Variants in PTCH1 observed in about 807,000 individuals in gnomAD.
The protein encoded by PTCH1 is protein patched homolog 1.
PTCH1 carries 14 observed loss-of-function variants against 144.6 expected under a neutral mutation model. The observed-to-expected ratio is 0.10, with a 90% CI of 0.06 to 0.15. The LOEUF (loss-of-function observed/expected upper bound fraction) is 0.15, where lower values mean the gene tolerates loss of function less well. Ranked by LOEUF, PTCH1 falls within the 10% of genes least tolerant of loss-of-function variation. The probability of loss-of-function intolerance (pLI) is 1.00; values close to 1 mark genes in which losing one functional copy is unlikely to be tolerated. For missense variants in PTCH1, 1,623 were observed against 1,948.3 expected, an observed-to-expected ratio of 0.83 and a Z score of 3.14; for synonymous variants, 833 against 793.6, an observed-to-expected ratio of 1.05 and a Z score of -0.83.
At chr9:95,497,220 C>A (rs1842855612) in intron 2 of PTCH1, among the ~76,000 whole-genome samples, 5 of 152,240 alleles carry the variant, frequency 3.3e-5, no homozygotes, top group Admixed American at 3.3e-4. Context: ...ACTCTCAGGG[C>A]TGCTTCATGT....
At chr9:95,477,811 C>T (rs1841185142) in intron 9 of PTCH1, 109 bp from the exon 10 acceptor site, 1 of 1,504,434 alleles carries the variant, frequency 6.6e-7, no homozygotes, top group Admixed American at 2.0e-5. Flanking sequence ...AGAACTTATC[C>T]AACAACAACA....
intron 22 of PTCH1, among the ~76,000 whole-genome samples, chr9:95,448,214 G>A (rs1007244993): frequency 9.9e-5 from 15 of 152,226 alleles, no homozygotes; most frequent in African/African-American, 3.6e-4. Context: ...GATTCACACT[G>A]CAGCTCAGCG....
intron 20 of PTCH1, chr9:95,450,425 C>A: frequency 4.5e-6 from 1 of 222,074 alleles, no homozygotes; most frequent in Non-Finnish European, 9.0e-6. Flanking sequence ...GGCTGCTAAT[C>A]CACTGTGAAA....
At chr9:95,503,308 ACGGACGT>A (rs1267418443) in intron 2 of PTCH1, 5 of 152,198 alleles carry the variant, frequency 3.3e-5, no homozygotes, top group African/African-American at 9.7e-5. Context: ...ACTTCAATTC[ACGGACGT>A]CCACTGAGGT....
intron 15 of PTCH1, among the ~76,000 whole-genome samples, chr9:95,464,580 T>C (rs1012046990): frequency 6.6e-6 from 1 of 152,182 alleles, no homozygotes; most frequent in East Asian, 1.9e-4. Flanking sequence ...AATGAACACA[T>C]TTGTACATGA....
chr9:95,476,896 A>C lies in PTCH1; in HGVS notation c.1504-39T>G, dbSNP rs1263887394. 6.3e-7 allele frequency: 1 copy of C among 1,579,614 alleles called. No individual in the cohort carries two copies. Among genetic ancestry groups the C allele is most frequent in the South Asian group, 1.1e-5 (1 of 89,168 alleles). ...AGAGGATGGTGGCATTAGACATGCG[A>C]GATGCAATTCAGATGATTCTAAAGC... On this transcript the variant is annotated intron_variant, in intron 10 of 23. Coordinates refer to ENST00000331920, the MANE Select transcript of PTCH1 (RefSeq NM_000264.5). This position sits in a 1 kb window ranked among gnomAD's most constrained non-coding sequence, Gnocchi z 4.6.
chr9:95,468,277 G>A (rs1043700926), intron 14 of PTCH1, among the ~76,000 whole-genome samples: 45 of 152,028 alleles, frequency 3.0e-4, no homozygotes, highest in African/African-American at 1.0e-3. Flanking sequence ...GGCTGTTCTC[G>A]AACTCCTGGG....
Position 95,446,885 on chromosome 9 carries a change from T to C in PTCH1, c.*1+26A>G, listed in dbSNP as rs751910065. On this transcript the variant is annotated intron_variant, in intron 23 of 23. Transcript: ENST00000331920. ...CCTCTTTGCCTGGCTCTAGGTCCCT[T>C]GGCTGCCCTTGTCAGTGGCACTCAC... is the stretch of plus-strand genomic sequence containing the variant. 3 of 1,613,204 alleles carry C rather than the reference T, an allele frequency of 1.9e-6. No homozygotes were observed. In the East Asian group the frequency reaches 6.7e-5, roughly 36 times the overall value.
intron 20 of PTCH1, 90 bp from the exon 21 acceptor site, chr9:95,450,030 CA>C (rs1490727014): frequency 8.7e-7 from 1 of 1,152,312 alleles, no homozygotes; most frequent in Non-Finnish European, 1.3e-6. Flanking sequence ...ATGGCAACGC[CA>C]GAAATGAACA....
upstream of PTCH1, among the ~76,000 whole-genome samples, chr9:95,511,547 G>C (rs1844161750): frequency 2.0e-5 from 3 of 152,196 alleles, no homozygotes; most frequent in African/African-American, 7.2e-5. Flanking sequence ...TCAAAACTCA[G>C]ACCGCTTAAG....
upstream of PTCH1, among the ~76,000 whole-genome samples, chr9:95,513,408 G>T (rs1405956820): frequency 6.6e-6 from 1 of 152,196 alleles, no homozygotes; most frequent in Non-Finnish European, 1.5e-5. Flanking sequence ...TTGCAAACAT[G>T]ATTTTAAGTC....
chr9:95,499,397 A>G (rs1842994863), intron 2 of PTCH1, among the ~76,000 whole-genome samples: 1 of 150,932 alleles, frequency 6.6e-6, no homozygotes. Flanking sequence ...GTGATTAGCC[A>G]GACTTACTAC....
chr9:95,483,238 GC>G (rs1487019777), intron 3 of PTCH1: 3 of 151,568 alleles, frequency 2.0e-5, no homozygotes, highest in African/African-American at 7.3e-5. Flanking sequence ...CTGCACTCCA[GC>G]CTAGATAAGC....
chr9:95,466,623 A>C (rs1840025033), intron 15 of PTCH1, among the ~76,000 whole-genome samples: 1 of 152,156 alleles, frequency 6.6e-6, no homozygotes, highest in Non-Finnish European at 1.5e-5. Flanking sequence ...GGAACCTAAA[A>C]CTGCTCTAAA....
At chr9:95,493,676 C>G (rs745358753) in intron 2 of PTCH1, among the ~76,000 whole-genome samples, 8 of 152,212 alleles carry the variant, frequency 5.3e-5, no homozygotes, top group Middle Eastern at 3.4e-3. Flanking sequence ...TTTTCTTTTT[C>G]TTTTAGTTGC....
rs2118053699 is a variant in PTCH1 at position 95,469,077 on chromosome 9, G to A, written c.1924C>T (p.Pro642Ser). 6.2e-7 allele frequency: 1 copy of A among 1,614,118 alleles called. No homozygotes were observed. Among genetic ancestry groups the A allele is most frequent in the Middle Eastern group, 1.6e-4 (1 of 6,062 alleles). ...AAGCTGTGGCTGCTGTAGGGAGGTG[G>A]GGGGCTGTAGCGGGTATTGTCGTGT... is the stretch of plus-strand genomic sequence containing the variant. Reference protein sequence around the residue: ...DTHDNTRYSPPPPYSSHSFAH... With the variant: ...DTHDNTRYSPSPPYSSHSFAH... Residue 642 changes from proline to serine, a missense_variant, in exon 14 of 24, where the codon CCA (proline) becomes TCA (serine). By Grantham distance (74) the Pro-to-Ser change is moderately conservative. Transcript: ENST00000331920.
intron 1 of PTCH1, chr9:95,507,326 A>C (rs914999476): frequency 2.1e-5 from 21 of 985,482 alleles, no homozygotes; most frequent in Non-Finnish European, 2.5e-5. Flanking sequence ...TGCAAAGGGA[A>C]GGGCTCAGGC....
At chr9:95,501,665 A>AG (rs1395863934) in intron 2 of PTCH1, among the ~76,000 whole-genome samples, 1 of 152,194 alleles carries the variant, frequency 6.6e-6, no homozygotes, top group Admixed American at 6.5e-5. Flanking sequence ...TCTGCAGAAA[A>AG]GGAGGCCAGG....
At chr9:95,506,958 G>A (rs908917920) in intron 1 of PTCH1, 17 of 1,018,800 alleles carry the variant, frequency 1.7e-5, no homozygotes, top group Non-Finnish European at 1.9e-5. Context: ...GAAGGGAGGG[G>A]CTGCGTAATC....
Sources: gnomAD v4.1 joint callset for allele counts (sites outside exome capture counted in the v4.1 genomes callset) on GRCh38, gnomAD v4.1.1 for gene constraint, Gnocchi (gnomAD v3.1) non-coding constraint, MANE v1.5 for transcripts, NCBI Gene and HGNC (gene_info 2026-07-23, HGNC 2026-07-21) for gene names.